ACTN4: variants seen among roughly 807,000 people sequenced by gnomAD.
ACTN4 encodes the protein actinin alpha 4.
A neutral mutation model predicts 114.2 loss-of-function variants in ACTN4; 18 were observed. The observed-to-expected ratio is 0.16, with a 90% confidence interval of 0.11 to 0.23. The LOEUF (loss-of-function observed/expected upper bound fraction) is 0.23. Among genes scored for constraint, ACTN4 ranks in the 10% least tolerant of loss-of-function variants. The probability of loss-of-function intolerance (pLI) is 1.00; values close to 1 mark genes in which losing one functional copy is unlikely to be tolerated. For synonymous variants in ACTN4, 515 were observed against 506.3 expected (o/e 1.02, Z -0.23); for missense variants, 722 against 1,262.9 (o/e 0.57, Z 6.49).
At chr19:38,662,583 C>T (rs1406313782) in intron 1 of ACTN4, among the ~76,000 whole-genome samples, 1 of 152,164 alleles carries the variant, frequency 6.6e-6, no homozygotes, top group Non-Finnish European at 1.5e-5. Context: ...TGTGTTTATT[C>T]TTATCCCCTT....
At chr19:38,656,388 C>G (rs1299760413) in intron 1 of ACTN4, among the ~76,000 whole-genome samples, 1 of 152,174 alleles carries the variant, frequency 6.6e-6, no homozygotes, top group African/African-American at 2.4e-5. Flanking sequence ...CCAACTTTTT[C>G]TCTTAAGGCT....
chr19:38,648,878 CGGTG>C (rs1319481362), intron 1 of ACTN4, among the ~76,000 whole-genome samples: 3 of 150,936 alleles, frequency 2.0e-5, no homozygotes, highest in Non-Finnish European at 4.4e-5. Flanking sequence ...AAGGTGAGAT[CGGTG>C]GGAGGGAGGG....
At chr19:38,709,908 T>TCCATTTCCCAGCCATGCACTGCC (rs2145030944) in intron 7 of ACTN4, among the ~76,000 whole-genome samples, 1 of 152,262 alleles carries the variant, frequency 6.6e-6, no homozygotes, top group South Asian at 2.1e-4. Flanking sequence ...CCGGCTTTGC[T>TCCATTTCCCAGCCATGCACTGCC]CCATTTCCCA....
intron 1 of ACTN4, among the ~76,000 whole-genome samples, chr19:38,665,106 G>C (rs1023499723): frequency 2.0e-5 from 3 of 152,128 alleles, no homozygotes; most frequent in African/African-American, 7.2e-5. Context: ...CTGCACCCCG[G>C]GAGGGGGTGT....
chr19:38,729,073 C>T lies in ACTN4; in HGVS notation c.2496C>T (p.Ile832=), dbSNP rs775098041. 5.0e-6 allele frequency: 8 copies of T among 1,613,438 alleles called. No homozygotes were observed. In the East Asian group the frequency reaches 6.7e-5, roughly 13 times the overall value. ...HSGLVTFQAF[I]DFMSRETTDT... is the part of the protein sequence containing the mutation. The stretch of plus-strand genomic sequence containing the variant: ...GCCTTGTGACCTTCCAAGCCTTCAT[C>T]GACTTCATGTCGCGGGAGACCACCG... Residue 832 remains isoleucine (I), a synonymous_variant, in exon 20 of 21, where the codon ATC becomes ATT. Transcript: ENST00000252699.
At chr19:38,718,974 A>G (rs753235384) in intron 11 of ACTN4, among the ~76,000 whole-genome samples, 1 of 152,136 alleles carries the variant, frequency 6.6e-6, no homozygotes, top group South Asian at 2.1e-4. Context: ...ACCCTTCAGC[A>G]TGGCCCACCT....
rs368725797 is a variant in ACTN4, at chr19:38,717,999, C to T, written c.1216C>T (p.Arg406Cys). The change falls in exon 11 of 21, where the codon CGC becomes TGC. Residue 406 changes from arginine (R) to cysteine (C), a missense_variant. Arg to Cys is a radical substitution (Grantham distance 180). This residue lies in a region of ACTN4 where 523 missense variants were observed against 875.9 expected (regional missense o/e 0.60). Transcript: ENST00000252699. This position sits in a 1 kb window ranked among gnomAD's most constrained non-coding sequence, Gnocchi z 4.0. ...GYEEWLLNEI[R>C]RLERLDHLAE... is the part of the protein sequence containing the mutation. Reference sequence around the variant, plus strand: ...CGAGGAGTGGCTGCTGAATGAGATCCGCAGGCTGGAGCGGCTCGACCACCT... The same window carrying T: ...CGAGGAGTGGCTGCTGAATGAGATCTGCAGGCTGGAGCGGCTCGACCACCT... 2.2e-5 allele frequency: 35 copies of T among 1,608,750 alleles called. No homozygotes were observed. The highest frequency in any genetic ancestry group is 2.7e-5 in the African/African-American group (2 of 74,852).
intron 1 of ACTN4, among the ~76,000 whole-genome samples, chr19:38,651,232 A>G (rs577157876): frequency 1.3e-5 from 2 of 152,298 alleles, no homozygotes; most frequent in African/African-American, 4.8e-5. Context: ...GGAATTAAGC[A>G]AGAGTTGGCC....
chr19:38,714,787 C>T (rs1299849543), intron 9 of ACTN4, among the ~76,000 whole-genome samples: 3 of 152,242 alleles, frequency 2.0e-5, no homozygotes, highest in Admixed American at 6.5e-5. Context: ...CCCCTGGGCT[C>T]CCGAGCTTGG....
chr19:38,694,071 C>T (rs752029123), intron 1 of ACTN4, among the ~76,000 whole-genome samples: 1 of 152,164 alleles, frequency 6.6e-6, no homozygotes, highest in Non-Finnish European at 1.5e-5. Context: ...ACAGATGAGT[C>T]CACATCCTTC....
chr19:38,680,881 T>A (rs1802886145), intron 1 of ACTN4, among the ~76,000 whole-genome samples: 1 of 152,034 alleles, frequency 6.6e-6, no homozygotes, highest in Admixed American at 6.5e-5. Flanking sequence ...ATCCCAGCAC[T>A]TTGGGAGGCC....
Position 38,708,182 on chromosome 19 carries a change from A to G in ACTN4, c.638A>G (p.Asp213Gly), listed in dbSNP as rs1968522293. ...HRHRPELIEY[D>G]KLRKDDPVTN... is the part of the protein sequence containing the mutation. ...CACAGACCAGAGCTGATTGAGTATG[A>G]CAAGCTGAGGAAGGTGAGTGTCTCC... Residue 213 changes from aspartate to glycine, a missense_variant, in exon 6 of 21, where the codon GAC becomes GGC. Around this residue, in one of 3 missense-constraint regions of ACTN4, gnomAD observed 127 missense variants for 311.3 expected, o/e 0.41. Coordinates refer to ENST00000252699, the MANE Select transcript of ACTN4 (RefSeq NM_004924.6). 1.2e-6 allele frequency: 2 copies of G among 1,614,166 alleles called. No individual in the cohort carries two copies. Among genetic ancestry groups the G allele is most frequent in the East Asian group, 4.5e-5 (2 of 44,882 alleles).
At chr19:38,655,108 A>G (rs1976676272) in intron 1 of ACTN4, among the ~76,000 whole-genome samples, 1 of 152,138 alleles carries the variant, frequency 6.6e-6, no homozygotes, top group Admixed American at 6.5e-5. Context: ...AACCACTTTT[A>G]TAGACACATA....
At chr19:38,721,454 C>G (rs1969037544) in intron 11 of ACTN4, 84 bp from the exon 12 acceptor site, 2 of 1,525,102 alleles carry the variant, frequency 1.3e-6, no homozygotes, top group African/African-American at 2.7e-5. Context: ...GTCTCTCTTT[C>G]CCTCCCTCTG....
At chr19:38,680,337 C>A (rs1011841596) in intron 1 of ACTN4, among the ~76,000 whole-genome samples, 1 of 150,174 alleles carries the variant, frequency 6.7e-6, no homozygotes, top group African/African-American at 2.5e-5. Flanking sequence ...CAAGCAAGCA[C>A]GTCTGGGTAA....
intron 16 of ACTN4, 75 bp from the exon 17 acceptor site, chr19:38,725,649 C>T (rs1969207851): frequency 6.5e-6 from 10 of 1,539,746 alleles, no homozygotes; most frequent in African/African-American, 4.1e-5. Flanking sequence ...GCCAGCAGCG[C>T]GAGTGGGCTC....
Position 38,731,522 on chromosome 19 carries a change from T to C in ACTN4, c.*2090T>C, listed in dbSNP as rs1438494449. 1 of 457,630 alleles carries C rather than the reference T, an allele frequency of 2.2e-6. No individual in the cohort carries two copies. The highest frequency in any genetic ancestry group is 2.0e-5 in the African/African-American group (1 of 51,268). 28.3% of individuals were successfully genotyped at this position (457,630 alleles called of 1,614,324 possible). ...TGTTACTCCTTAAATCCTGTGGGGC[T>C]TTCTCCTTGCCAGTGGGCACTGGAG... On this transcript the variant is annotated 3_prime_UTR_variant, in exon 21 of 21. Coordinates refer to ENST00000252699, the MANE Select transcript of ACTN4 (RefSeq NM_004924.6).
intron 1 of ACTN4, among the ~76,000 whole-genome samples, chr19:38,663,693 C>G (rs1183485967): frequency 1.3e-5 from 2 of 152,174 alleles, no homozygotes; most frequent in Non-Finnish European, 2.9e-5. Context: ...AGTTCCTGTC[C>G]CCATGAGCAT....
In ACTN4 at chr19:38,714,349, C is replaced by G. The variant is rs138251342; in HGVS notation, c.820-120C>G. Reference sequence around the variant, plus strand: ...CACCATCTCACTGGAGCTGTGCTTCCTCTCCTTCCCCTCTGTGAGGAGTTC... The same window carrying G: ...CACCATCTCACTGGAGCTGTGCTTCGTCTCCTTCCCCTCTGTGAGGAGTTC... On this transcript the variant is annotated intron_variant, in intron 8 of 20. Transcript: ENST00000252699. 4.0e-3 allele frequency: 3,508 copies of G among 887,934 alleles called. 15 individuals carry two copies. Among genetic ancestry groups the G allele is most frequent in the Non-Finnish European group, 5.9e-3 (3,242 of 549,200 alleles). 55.0% of individuals were successfully genotyped at this position (887,934 alleles called of 1,614,324 possible).
Sources: allele counts gnomAD v4.1 joint callset (sites outside exome capture counted in the v4.1 genomes callset), GRCh38; gene constraint gnomAD v4.1.1; regional missense constraint gnomAD v4.1.1; non-coding constraint Gnocchi (gnomAD v3.1); transcripts MANE v1.5; gene names NCBI Gene and HGNC (gene_info 2026-07-23, HGNC 2026-07-21).